The following ROBO1 variants were observed in gnomAD, a reference collection of about 807,000 sequenced individuals.
ROBO1 encodes the protein roundabout guidance receptor 1.
A neutral mutation model predicts 195.9 loss-of-function variants in ROBO1; 149 were observed. That is an observed-to-expected ratio of 0.76 (90% CI 0.67 to 0.87). The LOEUF is 0.87. Among genes scored for constraint, ROBO1 ranks in the 40% least tolerant of loss-of-function variants. ROBO1 has a pLI of 0.00. For synonymous variants in ROBO1, 816 were observed against 733.2 expected, an observed-to-expected ratio of 1.11 and a Z score of -1.82; for missense variants, 1,933 against 2,068.3, an observed-to-expected ratio of 0.93 and a Z score of 1.27.
chr3:78,839,497 T>C (rs1022537718), intron 4 of ROBO1, among the ~76,000 whole-genome samples: 51 of 151,784 alleles, frequency 3.4e-4, no homozygotes, highest in South Asian at 4.2e-4. Context: ...ATTGATAACA[T>C]TAATGGAGCA....
chr3:79,366,549 C>A (rs995900325), intron 2 of ROBO1, among the ~76,000 whole-genome samples: 1 of 152,204 alleles, frequency 6.6e-6, no homozygotes, highest in South Asian at 2.1e-4. Flanking sequence ...GGCAAGAGAG[C>A]AATGTTTTAT....
intron 4 of ROBO1, among the ~76,000 whole-genome samples, chr3:78,818,034 T>G (rs1475358696): frequency 6.6e-6 from 1 of 152,170 alleles, no homozygotes; most frequent in East Asian, 1.9e-4. Flanking sequence ...CCAAAACCAC[T>G]TGAACAGCTA....
chr3:78,932,376 T>C, intron 4 of ROBO1, among the ~76,000 whole-genome samples: 1 of 152,196 alleles, frequency 6.6e-6, no homozygotes, highest in Non-Finnish European at 1.5e-5. Context: ...TTAGCACTTT[T>C]CAGCATGTAT....
intron 2 of ROBO1, among the ~76,000 whole-genome samples, chr3:79,275,633 C>A (rs547212162): frequency 6.6e-6 from 1 of 151,758 alleles, no homozygotes; most frequent in Non-Finnish European, 1.5e-5. Flanking sequence ...TTGGTTGGAG[C>A]AATCAGACAA....
In ROBO1 at chr3:79,365,425, C is replaced by G. The variant is rs77733308; in HGVS notation, c.88+224399G>C. 9.8e-3 allele frequency among the ~76,000 whole-genome samples: 1,499 copies of G among 152,238 alleles called. 34 individuals carry two copies. Among genetic ancestry groups the G allele is most frequent in the African/African-American group, 0.034 (1,431 of 41,562 alleles). ...CTATCATAGCCCCATGGGAACTCTG[C>G]GTCGGTTGCTACTTAGTCAGAAATC... On this transcript the variant is annotated intron_variant, in intron 2 of 30. Coordinates refer to ENST00000464233, the MANE Select transcript of ROBO1 (RefSeq NM_002941.4).
At chr3:79,180,734 A>C (rs930542763) in intron 2 of ROBO1, among the ~76,000 whole-genome samples, 1 of 152,216 alleles carries the variant, frequency 6.6e-6, no homozygotes, top group Non-Finnish European at 1.5e-5. Flanking sequence ...TATAAAGGAA[A>C]AAAGTCAGTG....
At chr3:78,821,098 T>C (rs1261378114) in intron 4 of ROBO1, among the ~76,000 whole-genome samples, 1 of 151,938 alleles carries the variant, frequency 6.6e-6, no homozygotes, top group African/African-American at 2.4e-5. Context: ...AAAATATACA[T>C]GGTGAAACTT....
intron 3 of ROBO1, among the ~76,000 whole-genome samples, chr3:79,016,639 A>T (rs2077942340): frequency 6.6e-6 from 1 of 152,184 alleles, no homozygotes; most frequent in South Asian, 2.1e-4. Flanking sequence ...TACCTTATTA[A>T]TGTGACCCTA....
rs559577640 is a variant in ROBO1, at chr3:79,717,161, T to C, written c.-51+50591A>G. Among the ~76,000 whole-genome samples the C allele has an allele frequency of 1.3e-3, 198 of 152,066 alleles. 1 individual carries two copies. The highest frequency in any genetic ancestry group is 4.5e-3 in the African/African-American group (188 of 41,540). On this transcript the variant is annotated intron_variant, in intron 1 of 30. Coordinates refer to ENST00000464233, the MANE Select transcript of ROBO1 (RefSeq NM_002941.4). The stretch of plus-strand genomic sequence containing the variant: ...TACTTTTCTCTAGTAAGTTTGTATA[T>C]TTATACTTTAAATGTGACTATTTTG...
At chr3:78,868,608 T>C (rs2035330991) in intron 4 of ROBO1, among the ~76,000 whole-genome samples, 1 of 152,178 alleles carries the variant, frequency 6.6e-6, no homozygotes, top group South Asian at 2.1e-4. Flanking sequence ...GAGACAAAAC[T>C]ATAATTGATT....
At chr3:78,631,834 C>T (rs1705205988) in intron 24 of ROBO1, among the ~76,000 whole-genome samples, 1 of 152,102 alleles carries the variant, frequency 6.6e-6, no homozygotes, top group Non-Finnish European at 1.5e-5. Flanking sequence ...ACTGATAGAA[C>T]TAATGACAAA....
intron 3 of ROBO1, among the ~76,000 whole-genome samples, chr3:79,119,617 T>A (rs995122839): frequency 6.6e-6 from 1 of 152,188 alleles, no homozygotes; most frequent in African/African-American, 2.4e-5. Context: ...ATTTCCAATA[T>A]AGATTTGTAC....
chr3:79,271,061 T>C (rs1366849971), intron 2 of ROBO1, among the ~76,000 whole-genome samples: 3 of 151,922 alleles, frequency 2.0e-5, no homozygotes, highest in Non-Finnish European at 2.9e-5. Flanking sequence ...ATTATTATCA[T>C]GTCATAGCCA....
At chr3:79,706,094 G>A (rs1947761679) in intron 1 of ROBO1, among the ~76,000 whole-genome samples, 1 of 152,006 alleles carries the variant, frequency 6.6e-6, no homozygotes, top group African/African-American at 2.4e-5. Context: ...AGACAAACAT[G>A]TCTGTCATCT....
chr3:79,723,657 TTGATATCTA>T (rs1453044690), intron 1 of ROBO1, among the ~76,000 whole-genome samples: 10 of 152,276 alleles, frequency 6.6e-5, no homozygotes, highest in African/African-American at 2.2e-4. Context: ...TTTTAATGCT[TTGATATCTA>T]TGGTCAAAGT....
intron 1 of ROBO1, among the ~76,000 whole-genome samples, chr3:79,750,322 C>T (rs113310897): frequency 6.6e-6 from 1 of 152,156 alleles, no homozygotes; most frequent in East Asian, 1.9e-4. Context: ...GGCTCATAGG[C>T]AAAAGGGACT....
intron 2 of ROBO1, among the ~76,000 whole-genome samples, chr3:79,247,726 A>T (rs1464390568): frequency 6.6e-6 from 1 of 152,124 alleles, no homozygotes; most frequent in Non-Finnish European, 1.5e-5. Context: ...GGCACTTTGG[A>T]ACTTCTCTGA....
At chr3:78,837,389 T>A (rs1390907353) in intron 4 of ROBO1, among the ~76,000 whole-genome samples, 4 of 152,288 alleles carry the variant, frequency 2.6e-5, no homozygotes, top group Non-Finnish European at 5.9e-5. Context: ...TTAATATATA[T>A]TCTGCTTAGT....
chr3:79,242,093 T>C (rs79786810), intron 2 of ROBO1, among the ~76,000 whole-genome samples: 7,721 of 152,066 alleles, frequency 0.051, 305 homozygotes, highest in African/African-American at 0.11. Context: ...CTGACCCTTT[T>C]TGCTCCCTTT....
Sources: gnomAD v4.1 joint callset for allele counts (sites outside exome capture counted in the v4.1 genomes callset) on GRCh38, gnomAD v4.1.1 for gene constraint, MANE v1.5 for transcripts, NCBI Gene and HGNC (gene_info 2026-07-23, HGNC 2026-07-21) for gene names.